PALLD: variants seen among roughly 807,000 people sequenced by gnomAD.
PALLD encodes palladin, cytoskeletal associated protein, also known as palladin.
PALLD carries 61 observed loss-of-function variants against 123.5 expected under a neutral mutation model. That is an observed-to-expected ratio of 0.49 (90% CI 0.40 to 0.61). PALLD has a LOEUF of 0.61. Ranked by LOEUF, PALLD falls within the 20% of genes least tolerant of loss-of-function variation. The pLI, the probability that PALLD is intolerant of heterozygous loss-of-function variation, is 0.00. For missense variants in PALLD, 1,273 were observed against 1,377.0 expected (o/e 0.92, Z 1.20); for synonymous variants, 465 against 496.4 (o/e 0.94, Z 0.84).
intron 2 of PALLD, among the ~76,000 whole-genome samples, chr4:168,582,395 C>T (rs1179978103): frequency 6.6e-6 from 1 of 151,592 alleles, no homozygotes; most frequent in Non-Finnish European, 1.5e-5. Flanking sequence ...TATAAAAGAT[C>T]AGATCATCTG....
intron 10 of PALLD, among the ~76,000 whole-genome samples, chr4:168,831,286 A>T (rs1385276304): frequency 6.6e-6 from 1 of 152,206 alleles, no homozygotes. Flanking sequence ...CTTCTACAGA[A>T]GTTCCTGTGT....
rs1561429740 is a variant in PALLD, at chr4:168,709,592, G to GGGAA, written c.1621+445_1621+446insGGAA. ...GAAGGAAGGAAGGAAGGAAGGAAGGGAGGGAGGGAGGGAGGGAGGGAAGGA... is the reference window on the plus strand; with the variant it reads ...GAAGGAAGGAAGGAAGGAAGGAAGGGGGAAAGGGAGGGAGGGAGGGAGGGAAGGA... On this transcript the variant is annotated intron_variant, in intron 9 of 21. Coordinates refer to ENST00000505667, the MANE Select transcript of PALLD (RefSeq NM_001166108.2). Among the ~76,000 whole-genome samples the GGGAA allele has an allele frequency of 7.4e-3, 19 of 2,552 alleles. 6 individuals are homozygous for GGGAA. Among genetic ancestry groups the GGGAA allele is most frequent in the African/African-American group, 0.013 (17 of 1,342 alleles). The allele number at this position is 2,552 out of a possible 152,430, so 1.7% of individuals were successfully genotyped here. A position where few individuals can be genotyped will look rare whatever the true frequency, so the allele number is the denominator to read the frequency against.
intron 3 of PALLD, among the ~76,000 whole-genome samples, chr4:168,678,916 G>T (rs1781162250): frequency 6.7e-6 from 1 of 148,184 alleles, no homozygotes; most frequent in African/African-American, 2.5e-5. Flanking sequence ...TGTGGTGTGT[G>T]TATGTGCAGT....
chr4:168,709,561 A>G (rs1350461781), intron 9 of PALLD, among the ~76,000 whole-genome samples: 1 of 318 alleles, frequency 3.1e-3, no homozygotes, highest in African/African-American at 0.01. Context: ...GAAGGAAGGA[A>G]GGAAGGAAGG....
At chr4:168,620,269 A>ATTTTGTTACACACC (rs992510131) in intron 2 of PALLD, among the ~76,000 whole-genome samples, 1 of 152,216 alleles carries the variant, frequency 6.6e-6, no homozygotes, top group Non-Finnish European at 1.5e-5. Context: ...AGCCTGACCA[A>ATTTTGTTACACACC]CATGGTGAAA....
intron 2 of PALLD, among the ~76,000 whole-genome samples, chr4:168,515,851 C>T (rs946122871): frequency 4.0e-5 from 6 of 149,236 alleles, no homozygotes; most frequent in Admixed American, 6.7e-5. Flanking sequence ...GGCTACTAAG[C>T]AGCTGGCTGG....
At chr4:168,829,929 G>C (rs1743954996) in intron 10 of PALLD, among the ~76,000 whole-genome samples, 4 of 152,042 alleles carry the variant, frequency 2.6e-5, no homozygotes, top group Admixed American at 2.0e-4. Flanking sequence ...TATATTATTA[G>C]GTTAAAAAAA....
At chr4:168,604,512 T>C (rs1455180682) in intron 2 of PALLD, among the ~76,000 whole-genome samples, 1 of 152,124 alleles carries the variant, frequency 6.6e-6, no homozygotes, top group Non-Finnish European at 1.5e-5. Context: ...ACATAACAAA[T>C]AGAGCATAGT....
intron 2 of PALLD, among the ~76,000 whole-genome samples, chr4:168,621,886 C>T (rs1048999125): frequency 2.6e-5 from 4 of 152,124 alleles, no homozygotes; most frequent in Admixed American, 1.3e-4. Flanking sequence ...CCGTAAAAGT[C>T]CTTTGCACAC....
intron 10 of PALLD, among the ~76,000 whole-genome samples, chr4:168,752,941 G>A (rs1212493024): frequency 6.6e-6 from 1 of 152,028 alleles, no homozygotes; most frequent in East Asian, 1.9e-4. Flanking sequence ...AGAGAAACAA[G>A]AGGAGGAGAA....
intron 10 of PALLD, among the ~76,000 whole-genome samples, chr4:168,830,833 G>A (rs910776687): frequency 1.6e-4 from 25 of 152,250 alleles, no homozygotes; most frequent in African/African-American, 6.0e-4. Flanking sequence ...CAGTAATGAC[G>A]GCAGGATACA....
intron 6 of PALLD, among the ~76,000 whole-genome samples, chr4:168,686,109 G>A (rs1158523234): frequency 6.6e-6 from 1 of 152,010 alleles, no homozygotes; most frequent in Non-Finnish European, 1.5e-5. Context: ...TGACATGCTT[G>A]CAGACTAATA....
At chr4:168,763,864 C>A (rs145536634) in intron 10 of PALLD, among the ~76,000 whole-genome samples, 1 of 152,268 alleles carries the variant, frequency 6.6e-6, no homozygotes, top group Admixed American at 6.5e-5. Context: ...TGCCTGTTTC[C>A]TCCCCAAGCG....
rs375164225 is a variant in PALLD, at chr4:168,826,609, AT to A, written c.1965-64305del. On this transcript the variant is annotated intron_variant, in intron 10 of 21. Transcript: ENST00000505667. ...GCCAGCCCAAAGTAAAGTTCAGATT[AT>A]TTTTTTTACTCTGTTTTTTAATTAT... 3.1e-3 allele frequency among the ~76,000 whole-genome samples: 472 copies of A among 151,616 alleles called. 2 individuals carry two copies. Among genetic ancestry groups the A allele is most frequent in the African/African-American group, 0.011 (437 of 41,484 alleles).
intron 2 of PALLD, among the ~76,000 whole-genome samples, chr4:168,653,242 A>G (rs1778225613): frequency 1.3e-5 from 2 of 152,124 alleles, no homozygotes. Flanking sequence ...CCAGACAACT[A>G]TTTTTACGTC....
In PALLD at chr4:168,727,475, G is replaced by A. The variant is rs74841756; in HGVS notation, c.1964+15552G>A. 6.4e-3 allele frequency among the ~76,000 whole-genome samples: 970 copies of A among 152,248 alleles called. 13 individuals carry two copies. Among genetic ancestry groups the A allele is most frequent in the African/African-American group, 0.022 (913 of 41,548 alleles). On this transcript the variant is annotated intron_variant, in intron 10 of 21. Coordinates refer to ENST00000505667, the MANE Select transcript of PALLD (RefSeq NM_001166108.2). ...GCATTTCTCTGATGATTAGTGATAA[G>A]CATTTTTTCATATGTTTGTTGGCTG...
intron 2 of PALLD, among the ~76,000 whole-genome samples, chr4:168,624,264 C>T (rs1351793874): frequency 6.6e-6 from 1 of 151,700 alleles, no homozygotes; most frequent in Non-Finnish European, 1.5e-5. Flanking sequence ...TGTAGGAATG[C>T]AAGAATAATT....
chr4:168,735,390 A>G (rs1192600244), intron 10 of PALLD, among the ~76,000 whole-genome samples: 1 of 152,166 alleles, frequency 6.6e-6, no homozygotes, highest in Non-Finnish European at 1.5e-5. Context: ...TACGTCCTTC[A>G]CTTTCCTGAG....
At chr4:168,725,231 C>A (rs542914323) in intron 10 of PALLD, among the ~76,000 whole-genome samples, 2 of 152,146 alleles carry the variant, frequency 1.3e-5, no homozygotes, top group Non-Finnish European at 2.9e-5. Context: ...TCTTTTCGCT[C>A]AGAGAAGTTT....
Sources: gnomAD v4.1 joint callset for allele counts (sites outside exome capture counted in the v4.1 genomes callset) on GRCh38, gnomAD v4.1.1 for gene constraint, MANE v1.5 for transcripts, NCBI Gene and HGNC (gene_info 2026-07-23, HGNC 2026-07-21) for gene names.